Variants in SP110 observed in about 807,000 individuals in gnomAD.
SP110 encodes the protein SP110 nuclear body protein, also known as interferon-induced protein 41, 30kD.
A neutral mutation model predicts 92.7 loss-of-function variants in SP110; 62 were observed. The ratio of observed to expected loss-of-function variants is 0.67; its 90% CI spans 0.55 to 0.83. The LOEUF (loss-of-function observed/expected upper bound fraction) is 0.83, where lower values mean the gene tolerates loss of function less well. SP110 is among the 40% of genes least tolerant of loss of function. The probability of loss-of-function intolerance (pLI) is 0.00; values close to 1 mark genes in which losing one functional copy is unlikely to be tolerated. For synonymous variants in SP110, 273 were observed against 305.3 expected, an observed-to-expected ratio of 0.89 and a Z score of 1.10; for missense variants, 793 against 863.9, an observed-to-expected ratio of 0.92 and a Z score of 1.03.
At chr2:230,190,535 TG>T (rs1337221863) in intron 10 of SP110, among the ~76,000 whole-genome samples, 7 of 152,218 alleles carry the variant, frequency 4.6e-5, no homozygotes, top group Non-Finnish European at 1.0e-4. Flanking sequence ...TAGTTTCTTT[TG>T]CTGTGCTGTA....
chr2:230,189,703 A>T (rs1392952691), intron 10 of SP110, among the ~76,000 whole-genome samples: 1 of 151,494 alleles, frequency 6.6e-6, no homozygotes, highest in Non-Finnish European at 1.5e-5. Context: ...CACCACCCAC[A>T]CCCCAACAGG....
chr2:230,214,839 C>T (rs1574776451), intron 3 of SP110, 111 bp downstream of exon 3: 4 of 897,866 alleles, frequency 4.5e-6, no homozygotes, highest in Non-Finnish European at 7.3e-6. Context: ...CCATTCCACC[C>T]CAGAGAGAAG....
upstream of SP110, among the ~76,000 whole-genome samples, chr2:230,223,105 T>C (rs2045958776): frequency 6.6e-6 from 1 of 151,762 alleles, no homozygotes; most frequent in Non-Finnish European, 1.5e-5. Flanking sequence ...GGCGCAATCT[T>C]GGCTCACTGC....
intron 18 of SP110, among the ~76,000 whole-genome samples, chr2:230,169,592 G>A (rs1406573456): frequency 6.6e-6 from 1 of 152,118 alleles, no homozygotes; most frequent in Non-Finnish European, 1.5e-5. Context: ...CAAAAAGCTG[G>A]GATTACAGAT....
upstream of SP110, among the ~76,000 whole-genome samples, chr2:230,223,845 A>T (rs560192683): frequency 4.6e-5 from 7 of 152,334 alleles, no homozygotes; most frequent in South Asian, 1.2e-3. Flanking sequence ...TCCAGGTAGA[A>T]TGAAAGCATT....
chr2:230,215,238 A>G (rs2044979564), intron 2 of SP110, 120 bp from the exon 3 acceptor site: 2 of 799,112 alleles, frequency 2.5e-6, no homozygotes, highest in Middle Eastern at 3.4e-4. Context: ...AATTCAACAT[A>G]AAATATATAG....
At chr2:230,209,020 T>C (rs1041379265) in intron 7 of SP110, among the ~76,000 whole-genome samples, 14 of 152,158 alleles carry the variant, frequency 9.2e-5, no homozygotes, top group Admixed American at 9.2e-4. Context: ...GAAGGACAAC[T>C]TCAGAGGAAA....
At position 230,177,490 on chromosome 2, in the gene SP110, C is replaced by T. The variant is rs777128061; in HGVS notation, c.1590+48G>A. The stretch of plus-strand genomic sequence containing the variant: ...TTTCTGCTCTTAAAGCTCCACTTCT[C>T]CTTCAAGGATTTAAACCTGTCACCT... On this transcript the variant is annotated intron_variant, in intron 14 of 18. Coordinates refer to ENST00000258381, the MANE Select transcript of SP110 (RefSeq NM_080424.4). The T allele has an allele frequency of 5.0e-6, 8 of 1,592,820 alleles. No individual in the cohort carries two copies. The African/African-American group carries it at 1.1e-4, about 21-fold the overall frequency.
chr2:230,225,607 T>C, exon 1 of SP110: 1 of 582,894 alleles, frequency 1.7e-6, no homozygotes, highest in Non-Finnish European at 3.1e-6. Flanking sequence ...CAAGTGACCC[T>C]GTCTTCCGTG....
upstream of SP110, among the ~76,000 whole-genome samples, chr2:230,224,756 G>A (rs550004947): frequency 1.3e-5 from 2 of 152,302 alleles, no homozygotes; most frequent in South Asian, 4.1e-4. Context: ...GAAAAATACT[G>A]CTTTGCCTCT....
intron 8 of SP110, among the ~76,000 whole-genome samples, chr2:230,206,435 T>C (rs1348995558): frequency 6.6e-6 from 1 of 151,556 alleles, no homozygotes; most frequent in African/African-American, 2.4e-5. Flanking sequence ...GTTCCCTCAG[T>C]CTGTCTTGCT....
At chr2:230,206,294 C>T (rs1267694979) in intron 8 of SP110, among the ~76,000 whole-genome samples, 1 of 151,932 alleles carries the variant, frequency 6.6e-6, no homozygotes, top group Non-Finnish European at 1.5e-5. Context: ...CTTAAATTTT[C>T]CAGTGATTCT....
intron 12 of SP110, among the ~76,000 whole-genome samples, chr2:230,182,149 C>T (rs986851630): frequency 2.0e-5 from 3 of 152,198 alleles, no homozygotes; most frequent in African/African-American, 7.2e-5. Flanking sequence ...AGGTCATGTC[C>T]TTTGCAGGGG....
At chr2:230,186,171 T>G (rs1368016114) in intron 10 of SP110, 28 bp from the exon 11 acceptor site, 1 of 1,612,738 alleles carries the variant, frequency 6.2e-7, no homozygotes, top group African/African-American at 1.3e-5. Flanking sequence ...GTGAATAGTT[T>G]AGTGAGCTCC....
chr2:230,209,984 G>T lies in SP110; in HGVS notation c.776C>A (p.Pro259Gln). 4 of 1,606,604 alleles carry T rather than the reference G, an allele frequency of 2.5e-6. No individual in the cohort carries two copies. Among genetic ancestry groups the T allele is most frequent in the Non-Finnish European group, 1.7e-6 (2 of 1,173,156 alleles). Residue 259 changes from proline to glutamine, a missense_variant, in exon 7 of 19, where the codon CCA becomes CAA. Coordinates refer to ENST00000258381, the MANE Select transcript of SP110 (RefSeq NM_080424.4). ...MPEIRDNSPE[P>Q]NDPEEPQEVS... ...CTCCTGGGGCTCTTCTGGGTCATTTGGTTCTGGAGAATTATCTCTTATCTC... is the reference window on the plus strand; with the variant it reads ...CTCCTGGGGCTCTTCTGGGTCATTTTGTTCTGGAGAATTATCTCTTATCTC...
At chr2:230,205,908 A>G (rs539935700) in intron 8 of SP110, among the ~76,000 whole-genome samples, 2 of 152,312 alleles carry the variant, frequency 1.3e-5, no homozygotes, top group East Asian at 3.9e-4. Flanking sequence ...TGTGAGTTGA[A>G]TAATCTGACT....
intron 7 of SP110, among the ~76,000 whole-genome samples, chr2:230,209,692 T>G (rs1021494843): frequency 1.3e-5 from 2 of 152,184 alleles, no homozygotes; most frequent in Admixed American, 6.5e-5. Context: ...GAGATTGATT[T>G]TTTCAGAACA....
At chr2:230,184,697 T>A (rs997546919) in intron 11 of SP110, among the ~76,000 whole-genome samples, 3 of 58,828 alleles carry the variant, frequency 5.1e-5, no homozygotes. Flanking sequence ...CCCTAACGGA[T>A]TTAACAAAAA....
chr2:230,221,102 G>A (rs1035304641), upstream of SP110, among the ~76,000 whole-genome samples: 5 of 151,938 alleles, frequency 3.3e-5, no homozygotes, highest in African/African-American at 4.8e-5. Context: ...CCAACATGGT[G>A]AAACCCCATC....
Sources: allele counts gnomAD v4.1 joint callset (sites outside exome capture counted in the v4.1 genomes callset), GRCh38; gene constraint gnomAD v4.1.1; transcripts MANE v1.5; gene names NCBI Gene and HGNC (gene_info 2026-07-23, HGNC 2026-07-21).